Variants in PCCB observed in about 807,000 individuals in gnomAD.
PCCB encodes propionyl-CoA carboxylase beta chain, mitochondrial.
Under a neutral mutation model 60.7 loss-of-function variants are expected in PCCB, and 43 were observed. The observed-to-expected ratio is 0.71, with a 90% CI of 0.55 to 0.91. The LOEUF (loss-of-function observed/expected upper bound fraction) is 0.91. Among genes scored for constraint, PCCB ranks in the 40% least tolerant of loss-of-function variants. The probability of loss-of-function intolerance (pLI) is 0.00; values close to 1 mark genes in which losing one functional copy is unlikely to be tolerated. For synonymous variants in PCCB, 276 were observed against 255.9 expected (o/e 1.08, Z -0.75); for missense variants, 766 against 702.8 (o/e 1.09, Z -1.02).
At chr3:136,257,438 G>A (rs536356434) in intron 3 of PCCB, among the ~76,000 whole-genome samples, 16 of 152,318 alleles carry the variant, frequency 1.1e-4, no homozygotes, top group South Asian at 2.1e-4. Context: ...AGTCAATCCT[G>A]TGTAGCGCTT....
intron 9 of PCCB, among the ~76,000 whole-genome samples, chr3:136,316,185 A>C (rs1934885905): frequency 1.3e-5 from 2 of 151,876 alleles, no homozygotes; most frequent in Non-Finnish European, 2.9e-5. Flanking sequence ...GCACCACTGC[A>C]TTCCAGCCTG....
chr3:136,320,969 C>T (rs1935086945), intron 10 of PCCB, among the ~76,000 whole-genome samples: 1 of 152,080 alleles, frequency 6.6e-6, no homozygotes, highest in Non-Finnish European at 1.5e-5. Flanking sequence ...TTCATGAATG[C>T]CCTTTATAAT....
intron 6 of PCCB, 76 bp from the exon 7 acceptor site, chr3:136,293,674 GTCATCT>G (rs1933803071): frequency 2.3e-6 from 2 of 871,378 alleles, no homozygotes; most frequent in Non-Finnish European, 3.9e-6. Context: ...CTCTGCATTT[GTCATCT>G]TGGCTGAATC....
intron 11 of PCCB, 36 bp downstream of exon 11, chr3:136,326,946 C>A: frequency 7.2e-7 from 1 of 1,393,558 alleles, no homozygotes; most frequent in Non-Finnish European, 1.0e-6. Flanking sequence ...AGGAGAGTTG[C>A]CTTTCCCAGT....
In PCCB at chr3:136,328,642, C is replaced by T. The variant is rs1427476764; in HGVS notation, c.1399-116C>T. On this transcript the variant is annotated intron_variant, in intron 13 of 14. Transcript: ENST00000251654. ...GCTATGGCCTTTAGAGATGGCACTT[C>T]CCCTCAGTACACTGATTTACCAAGA... 4.9e-5 allele frequency: 39 copies of T among 794,994 alleles called. 1 individual carries two copies. The highest frequency in any genetic ancestry group is 7.7e-5 in the Non-Finnish European group (35 of 455,780). 49.2% of individuals were successfully genotyped at this position (794,994 alleles called of 1,614,324 possible).
In PCCB at chr3:136,261,322, G is replaced by C. The variant is rs546903902; in HGVS notation, c.430-630G>C. Among the ~76,000 whole-genome samples the C allele has an allele frequency of 3.3e-5, 5 of 152,312 alleles. No homozygotes were observed. The South Asian group carries it at 1.0e-3, about 32-fold the overall frequency. ...ACATCTGGATTATAGACATGGTCCT[G>C]TCATGTATTACTCCTGAGACCTTGG... On this transcript the variant is annotated intron_variant, in intron 4 of 14. Coordinates refer to ENST00000251654, the MANE Select transcript of PCCB (RefSeq NM_000532.5).
chr3:136,316,041 A>T (rs1934880829), intron 9 of PCCB, among the ~76,000 whole-genome samples: 1 of 152,000 alleles, frequency 6.6e-6, no homozygotes, highest in Non-Finnish European at 1.5e-5. Flanking sequence ...CAACATAGCG[A>T]GATCTCATCT....
chr3:136,313,232 C>T (rs1447530117), intron 9 of PCCB, among the ~76,000 whole-genome samples: 1 of 152,186 alleles, frequency 6.6e-6, no homozygotes, highest in Admixed American at 6.5e-5. Context: ...GATACACTTC[C>T]CACCATACAA....
intron 5 of PCCB, among the ~76,000 whole-genome samples, chr3:136,279,856 CG>C (rs1431801173): frequency 2.6e-5 from 4 of 151,962 alleles, no homozygotes; most frequent in African/African-American, 7.3e-5. Flanking sequence ...TTAGTAGAGA[CG>C]GGGTTTCACC....
chr3:136,327,299 A>G (rs545099419), intron 12 of PCCB, 44 bp downstream of exon 12: 10 of 1,459,786 alleles, frequency 6.9e-6, no homozygotes, highest in Non-Finnish European at 9.6e-6. Flanking sequence ...TCACTTTCCT[A>G]CAGCATAGCC....
Position 136,326,852 on chromosome 3 carries a change from C to A in PCCB, c.1140C>A (p.Phe380Leu). Residue 380 changes from phenylalanine (F) to leucine (L), a missense_variant, in exon 11 of 15, where the codon TTC (phenylalanine) becomes TTA (leucine). Phe to Leu is a conservative substitution (Grantham distance 22). Coordinates refer to ENST00000251654, the MANE Select transcript of PCCB (RefSeq NM_000532.5). ...TGAAAGGGGCTCGTTTTGTCAGATT[C>A]TGTGATGCATTCAATATTCCACTCA... ...SSVKGARFVR[F>L]CDAFNIPLIT... is the part of the protein sequence containing the mutation. The A allele has an allele frequency of 6.2e-7, 1 of 1,613,480 alleles. No individual in the cohort carries two copies. Among genetic ancestry groups the A allele is most frequent in the Non-Finnish European group, 8.5e-7 (1 of 1,179,406 alleles).
chr3:136,315,557 A>G (rs1228444975), intron 9 of PCCB, among the ~76,000 whole-genome samples: 2 of 150,984 alleles, frequency 1.3e-5, no homozygotes, highest in African/African-American at 4.9e-5. Context: ...TGAATTGGGC[A>G]CAGTGGCTCA....
chr3:136,273,934 A>AG (rs1942274502), intron 5 of PCCB, among the ~76,000 whole-genome samples: 1 of 149,726 alleles, frequency 6.7e-6, no homozygotes, highest in Non-Finnish European at 1.5e-5. Context: ...AAAAAAAAAA[A>AG]AAGAATAGCT....
chr3:136,276,174 T>C (rs665200), intron 5 of PCCB, among the ~76,000 whole-genome samples: 112,930 of 152,136 alleles, frequency 0.74, 42,174 homozygotes, highest in East Asian at 0.86. Context: ...CTGTGGTGTG[T>C]GCTTTTTTAT....
Position 136,315,525 on chromosome 3 carries a change from TCAAA to T in PCCB, c.967-1407_967-1404del, listed in dbSNP as rs1181297239. On this transcript the variant is annotated intron_variant, in intron 9 of 14. Coordinates refer to ENST00000251654, the MANE Select transcript of PCCB (RefSeq NM_000532.5). ...CTGGGCAGCTAAGCGAGACTCCGTC[TCAAA>T]CAAACAAAAGAAAATTGTGAATTGG... Among the ~76,000 whole-genome samples the T allele has an allele frequency of 7.2e-5, 11 of 152,184 alleles. No homozygotes were observed. In the East Asian group the frequency reaches 1.9e-3, roughly 27 times the overall value.
At chr3:136,297,426 C>T (rs1245206843) in intron 7 of PCCB, among the ~76,000 whole-genome samples, 1 of 152,148 alleles carries the variant, frequency 6.6e-6, no homozygotes, top group Non-Finnish European at 1.5e-5. Flanking sequence ...TCAGAGTGCT[C>T]TTCAAGAATT....
intron 3 of PCCB, 107 bp from the exon 4 acceptor site, chr3:136,260,372 C>A (rs1055304073): frequency 1.1e-6 from 1 of 928,110 alleles, no homozygotes; most frequent in Non-Finnish European, 1.7e-6. Context: ...GCCACCACGC[C>A]TGGCCTAAAA....
At position 136,289,789 on chromosome 3, in the gene PCCB, C is replaced by CT. The variant is rs147625921; in HGVS notation, c.655-3958dup. 4.6e-3 allele frequency among the ~76,000 whole-genome samples: 651 copies of CT among 141,842 alleles called. 22 individuals carry two copies. The South Asian group carries it at 0.071, about 16-fold the overall frequency. 93.1% of individuals were successfully genotyped at this position (141,842 alleles called of 152,430 possible). On this transcript the variant is annotated intron_variant, in intron 6 of 14. Coordinates refer to ENST00000251654, the MANE Select transcript of PCCB (RefSeq NM_000532.5). The stretch of plus-strand genomic sequence containing the variant: ...TTTTCTCCTTTATTAACATGTTATA[C>CT]TTTTTTTTTACCTTCTTCAGTGGTT...
chr3:136,250,726 T>A (rs1381534775), intron 1 of PCCB, among the ~76,000 whole-genome samples, 168 bp downstream of exon 1: 1 of 152,164 alleles, frequency 6.6e-6, no homozygotes, highest in African/African-American at 2.4e-5. Context: ...TGGAGGCGGG[T>A]ATAACCAGCA....
Sources: allele counts gnomAD v4.1 joint callset (sites outside exome capture counted in the v4.1 genomes callset), GRCh38; gene constraint gnomAD v4.1.1; transcripts MANE v1.5; gene names NCBI Gene and HGNC (gene_info 2026-07-23, HGNC 2026-07-21).